The following SGCZ variants were observed in gnomAD, a reference collection of about 807,000 sequenced individuals.
SGCZ encodes sarcoglycan zeta.
Under a neutral mutation model 41.3 loss-of-function variants are expected in SGCZ, and 40 were observed. The observed-to-expected ratio is 0.97, with a 90% CI of 0.75 to 1.26. SGCZ has a LOEUF of 1.26. SGCZ is among the 50% of genes most tolerant of loss of function. The pLI, the probability that SGCZ is intolerant of heterozygous loss-of-function variation, is 0.00. For synonymous variants in SGCZ, 206 were observed against 137.5 expected, an observed-to-expected ratio of 1.50 and a Z score of -3.49; for missense variants, 552 against 369.8, an observed-to-expected ratio of 1.49 and a Z score of -4.04.
chr8:14,098,072 T>G (rs1024458173), intron 7 of SGCZ, among the ~76,000 whole-genome samples: 1 of 152,208 alleles, frequency 6.6e-6, no homozygotes, highest in African/African-American at 2.4e-5. Flanking sequence ...TAGTAATTCC[T>G]ACCATGTTTA....
At chr8:15,097,688 C>A (rs1585559174) in intron 1 of SGCZ, among the ~76,000 whole-genome samples, 1 of 146,896 alleles carries the variant, frequency 6.8e-6, no homozygotes, top group Middle Eastern at 3.6e-3. Context: ...TTGATTACAC[C>A]AATACATTAC....
intron 2 of SGCZ, among the ~76,000 whole-genome samples, chr8:14,449,293 C>A (rs1800523032): frequency 6.6e-6 from 1 of 152,176 alleles, no homozygotes; most frequent in Non-Finnish European, 1.5e-5. Context: ...CTGGACAAAG[C>A]TTTCCACTCC....
intron 1 of SGCZ, among the ~76,000 whole-genome samples, chr8:14,584,326 G>A (rs959214430): frequency 6.6e-6 from 1 of 152,166 alleles, no homozygotes; most frequent in Non-Finnish European, 1.5e-5. Flanking sequence ...AATTATGGTT[G>A]TGTGGTAAGT....
At chr8:14,929,790 C>A (rs1799873911) in intron 1 of SGCZ, among the ~76,000 whole-genome samples, 1 of 151,958 alleles carries the variant, frequency 6.6e-6, no homozygotes, top group South Asian at 2.1e-4. Context: ...AACACCTTAA[C>A]ATTAGAAGGA....
intron 1 of SGCZ, among the ~76,000 whole-genome samples, chr8:14,962,384 TTG>T (rs1327303539): frequency 2.8e-5 from 4 of 140,848 alleles, no homozygotes; most frequent in Non-Finnish European, 5.9e-5. Flanking sequence ...ATCAAGGTAA[TTG>T]TATATATATA....
chr8:14,693,471 T>C (rs968534864), intron 1 of SGCZ, among the ~76,000 whole-genome samples: 4 of 151,922 alleles, frequency 2.6e-5, no homozygotes, highest in Admixed American at 1.3e-4. Context: ...TTTGTAGTTT[T>C]AGTAGAGACA....
intron 1 of SGCZ, among the ~76,000 whole-genome samples, chr8:14,781,125 A>G (rs1311058142): frequency 6.6e-6 from 1 of 152,214 alleles, no homozygotes; most frequent in African/African-American, 2.4e-5. Context: ...TTACGTACTA[A>G]TTAGAAACAT....
intron 4 of SGCZ, among the ~76,000 whole-genome samples, chr8:14,234,440 G>T (rs1806683682): frequency 6.6e-6 from 1 of 152,016 alleles, no homozygotes; most frequent in Non-Finnish European, 1.5e-5. Flanking sequence ...ATGGTACAAT[G>T]AGAATAAAAT....
chr8:14,450,110 T>C (rs896246359), intron 2 of SGCZ, among the ~76,000 whole-genome samples: 12 of 152,198 alleles, frequency 7.9e-5, no homozygotes, highest in African/African-American at 2.9e-4. Context: ...AAAACAAAAA[T>C]CTGCCAATCC....
intron 1 of SGCZ, among the ~76,000 whole-genome samples, chr8:14,973,327 G>T (rs563409391): frequency 6.6e-6 from 1 of 152,274 alleles, no homozygotes; most frequent in East Asian, 1.9e-4. Flanking sequence ...TGCTGGAATT[G>T]TAAAATGACT....
intron 2 of SGCZ, among the ~76,000 whole-genome samples, chr8:14,401,484 G>A (rs1470915540): frequency 2.3e-5 from 3 of 130,182 alleles, no homozygotes; most frequent in Non-Finnish European, 4.6e-5. Flanking sequence ...TCCCCTTCCT[G>A]TGTCCACGTG....
At chr8:15,094,997 G>T (rs1342908808) in intron 1 of SGCZ, among the ~76,000 whole-genome samples, 1 of 152,202 alleles carries the variant, frequency 6.6e-6, no homozygotes, top group East Asian at 1.9e-4. Context: ...AGGAGCCACA[G>T]TGTTACCTTC....
intron 1 of SGCZ, among the ~76,000 whole-genome samples, chr8:15,234,773 T>C (rs745477479): frequency 6.6e-6 from 1 of 152,088 alleles, no homozygotes; most frequent in African/African-American, 2.4e-5. Flanking sequence ...AATAAAAAAA[T>C]TGTTGTTAAA....
intron 2 of SGCZ, among the ~76,000 whole-genome samples, chr8:14,419,829 G>A (rs562456850): frequency 2.6e-5 from 4 of 151,870 alleles, no homozygotes; most frequent in African/African-American, 4.8e-5. Context: ...ATAAGCATAC[G>A]GAATACTGAA....
intron 1 of SGCZ, among the ~76,000 whole-genome samples, chr8:15,015,687 C>CA (rs61080299): frequency 0.84 from 101,898 of 121,690 alleles, 43,904 homozygotes; most frequent in Non-Finnish European, 0.93. Flanking sequence ...GACTCCATCT[C>CA]AAAAAAAAAA....
intron 2 of SGCZ, among the ~76,000 whole-genome samples, chr8:14,518,984 G>A (rs942178687): frequency 6.7e-6 from 1 of 148,710 alleles, no homozygotes; most frequent in Non-Finnish European, 1.5e-5. Context: ...CAGGAGAATC[G>A]CTTGAACCCA....
intron 1 of SGCZ, among the ~76,000 whole-genome samples, chr8:15,037,840 C>G (rs78327029): frequency 0.02 from 3,015 of 152,182 alleles, 98 homozygotes; most frequent in African/African-American, 0.069. Context: ...GACATAAACA[C>G]TTTGAAAAAT....
chr8:14,299,978 G>A (rs1231054453), intron 3 of SGCZ, among the ~76,000 whole-genome samples: 2 of 151,914 alleles, frequency 1.3e-5, no homozygotes, highest in African/African-American at 2.4e-5. Flanking sequence ...AAAAATGCAA[G>A]AATATACACT....
intron 1 of SGCZ, among the ~76,000 whole-genome samples, chr8:14,600,165 C>T (rs779664131): frequency 6.6e-6 from 1 of 152,072 alleles, no homozygotes; most frequent in Admixed American, 6.6e-5. Context: ...GACTTCTGGG[C>T]ACCACACTCT....
Sources: allele counts gnomAD v4.1 joint callset (sites outside exome capture counted in the v4.1 genomes callset), GRCh38; gene constraint gnomAD v4.1.1; transcripts MANE v1.5; gene names NCBI Gene and HGNC (gene_info 2026-07-23, HGNC 2026-07-21).